The following PLCB4 variants were observed in gnomAD, a reference collection of about 807,000 sequenced individuals.
The protein encoded by PLCB4 is phospholipase C beta 4.
A neutral mutation model predicts 178.8 loss-of-function variants in PLCB4; 77 were observed. The ratio of observed to expected loss-of-function variants is 0.43; its 90% CI spans 0.36 to 0.52. PLCB4 has a LOEUF of 0.52. Ranked by LOEUF, PLCB4 falls within the 20% of genes least tolerant of loss-of-function variation. The probability of loss-of-function intolerance (pLI) is 0.00; values close to 1 mark genes in which losing one functional copy is unlikely to be tolerated. For synonymous variants in PLCB4, 496 were observed against 490.8 expected, an observed-to-expected ratio of 1.01 and a Z score of -0.14; for missense variants, 1,024 against 1,453.4, an observed-to-expected ratio of 0.70 and a Z score of 4.80.
At chr20:9,324,859 A>C (rs1028705518) in intron 4 of PLCB4, among the ~76,000 whole-genome samples, 1 of 150,028 alleles carries the variant, frequency 6.7e-6, no homozygotes. Context: ...GCTCTTGTGG[A>C]AAAAAAAAAG....
At chr20:9,393,448 A>T in intron 17 of PLCB4, 140 bp from the exon 18 acceptor site, 1 of 598,966 alleles carries the variant, frequency 1.7e-6, no homozygotes, top group Non-Finnish European at 3.0e-6. Context: ...TTGGGGAGTG[A>T]AAACAGAAGG....
intron 2 of PLCB4, among the ~76,000 whole-genome samples, chr20:9,097,057 C>T (rs2090939054): frequency 6.6e-6 from 1 of 151,874 alleles, no homozygotes; most frequent in South Asian, 2.1e-4. Flanking sequence ...GCCTTAGCCT[C>T]TGAAGTAGGT....
chr20:9,397,197 T>A (rs2038659280), intron 19 of PLCB4, among the ~76,000 whole-genome samples: 2 of 152,184 alleles, frequency 1.3e-5, no homozygotes, highest in South Asian at 4.1e-4. Flanking sequence ...TTACCTGGAG[T>A]AGATTCCATC....
chr20:9,258,809 A>G (rs2094266400), intron 3 of PLCB4, among the ~76,000 whole-genome samples: 1 of 152,048 alleles, frequency 6.6e-6, no homozygotes, highest in Non-Finnish European at 1.5e-5. Flanking sequence ...TGAACCTGCA[A>G]TTTTGTTCTC....
chr20:9,264,481 C>T (rs2094329421), intron 3 of PLCB4, among the ~76,000 whole-genome samples: 1 of 152,186 alleles, frequency 6.6e-6, no homozygotes, highest in South Asian at 2.1e-4. Flanking sequence ...GGTGGCCTCT[C>T]TCAATGGGGC....
chr20:9,163,231 G>A (rs899519387), intron 2 of PLCB4, among the ~76,000 whole-genome samples: 1 of 152,104 alleles, frequency 6.6e-6, no homozygotes, highest in African/African-American at 2.4e-5. Context: ...TAAACATGTC[G>A]ACTCTGTTTT....
At position 9,160,118 on chromosome 20, in the gene PLCB4, G is replaced by C. The variant is rs916014805; in HGVS notation, c.-78-57272G>C. ...GGGTGAGCTGGATCCAACTCCGTTT[G>C]GTGGCATAATAGAGAGCACCTTTAT... On this transcript the variant is annotated intron_variant, in intron 2 of 39. Coordinates refer to ENST00000378473, the MANE Select transcript of PLCB4 (RefSeq NM_001377142.1). Among the ~76,000 whole-genome samples the C allele has an allele frequency of 4.6e-5, 7 of 152,170 alleles. No individual in the cohort carries two copies. In the South Asian group the frequency reaches 1.2e-3, roughly 27 times the overall value.
chr20:9,473,747 C>T (rs2044348267), intron 38 of PLCB4, among the ~76,000 whole-genome samples: 1 of 151,980 alleles, frequency 6.6e-6, no homozygotes, highest in Non-Finnish European at 1.5e-5. Context: ...TGAGAGAAAC[C>T]ACCTATTTTC....
chr20:9,473,335 T>C lies in PLCB4; in HGVS notation c.3465T>C (p.His1155=). ...MDQLKKVQLE[H]LEFLEKQNEQ... ...AGTTGAAAAAAGTCCAGCTTGAACATCTAGAATTCCTAGAGAAACAGAATG... is the reference window on the plus strand; with the variant it reads ...AGTTGAAAAAAGTCCAGCTTGAACACCTAGAATTCCTAGAGAAACAGAATG... Residue 1155 remains histidine (H), a synonymous_variant, in exon 38 of 40, where the codon CAT becomes CAC. Transcript: ENST00000378473. The C allele has an allele frequency of 6.3e-7, 1 of 1,591,498 alleles. No homozygotes were observed.
chr20:9,177,003 G>A (rs1371507176), intron 2 of PLCB4, among the ~76,000 whole-genome samples: 3 of 152,054 alleles, frequency 2.0e-5, no homozygotes, highest in Non-Finnish European at 1.5e-5. Context: ...GATTATATAA[G>A]GAGCAACAAT....
At chr20:9,307,942 A>T (rs756453877) in intron 4 of PLCB4, 44 bp downstream of exon 4, 2 of 792,008 alleles carry the variant, frequency 2.5e-6, no homozygotes, top group Non-Finnish European at 4.1e-6. Context: ...CATTCTAATA[A>T]TTATTAAATT....
intron 2 of PLCB4, among the ~76,000 whole-genome samples, chr20:9,203,056 A>AAAAATATATATATATATATATAT (rs769628056): frequency 7.9e-6 from 1 of 126,162 alleles, no homozygotes; most frequent in African/African-American, 3.3e-5. Flanking sequence ...AAAAAAAAAA[A>AAAAATATATATATATATATATAT]ATATATATAT....
chr20:9,175,656 C>G (rs573717727), intron 2 of PLCB4, among the ~76,000 whole-genome samples: 7 of 152,166 alleles, frequency 4.6e-5, no homozygotes, highest in African/African-American at 1.4e-4. Context: ...ATGATATCAA[C>G]TCACTGAAAT....
rs549272204 is a variant in PLCB4 at position 9,211,932 on chromosome 20, G to A, written c.-78-5458G>A. Among the ~76,000 whole-genome samples, 24 of 152,328 alleles carry A rather than the reference G, an allele frequency of 1.6e-4. No homozygotes were observed. In the South Asian group the frequency reaches 5.0e-3, roughly 32 times the overall value. On this transcript the variant is annotated intron_variant, in intron 2 of 39. Transcript: ENST00000378473. Reference sequence around the variant, plus strand: ...CTCTTCATGGACCATTAGTGGGAGAGTGTTCCGCTTTGGGAAATAATGCTA... The same window carrying A: ...CTCTTCATGGACCATTAGTGGGAGAATGTTCCGCTTTGGGAAATAATGCTA...
chr20:9,283,279 C>G (rs964214192), intron 3 of PLCB4, among the ~76,000 whole-genome samples: 1 of 151,934 alleles, frequency 6.6e-6, no homozygotes, highest in Non-Finnish European at 1.5e-5. Flanking sequence ...AAATAAAGCC[C>G]TCTATGTATT....
At chr20:9,434,933 T>C (rs1471790109) in intron 28 of PLCB4, among the ~76,000 whole-genome samples, 2 of 152,168 alleles carry the variant, frequency 1.3e-5, no homozygotes, top group Non-Finnish European at 2.9e-5. Flanking sequence ...TATATGAAAC[T>C]CTGAAAGTAC....
chr20:9,298,596 C>T (rs1182892479), intron 3 of PLCB4, among the ~76,000 whole-genome samples: 3 of 151,994 alleles, frequency 2.0e-5, no homozygotes, highest in Non-Finnish European at 4.4e-5. Flanking sequence ...CATTTATAAA[C>T]CTGGATCTTC....
At chr20:9,082,230 G>T (rs1600271092) in intron 1 of PLCB4, among the ~76,000 whole-genome samples, 2 of 152,048 alleles carry the variant, frequency 1.3e-5, no homozygotes, top group East Asian at 3.9e-4. Context: ...TCATTTTCTT[G>T]TAGCATTTTC....
chr20:9,436,312 A>G (rs1041726908), intron 29 of PLCB4, among the ~76,000 whole-genome samples: 1 of 152,228 alleles, frequency 6.6e-6, no homozygotes, highest in African/African-American at 2.4e-5. Context: ...AATACCAGTT[A>G]ACCTAGTTCA....
Sources: allele counts gnomAD v4.1 joint callset (sites outside exome capture counted in the v4.1 genomes callset), GRCh38; gene constraint gnomAD v4.1.1; transcripts MANE v1.5; gene names NCBI Gene and HGNC (gene_info 2026-07-23, HGNC 2026-07-21).